The following BCORL1 variants were observed in gnomAD, a reference collection of about 807,000 sequenced individuals.
BCORL1 encodes the protein BCL6 corepressor like 1, also known as BCL-6 corepressor-like protein 1.
Under a neutral mutation model 87.6 loss-of-function variants are expected in BCORL1, and 7 were observed. That is an observed-to-expected ratio of 0.08 (90% confidence interval 0.05 to 0.15). BCORL1 has a LOEUF of 0.15. Among genes scored for constraint, BCORL1 ranks in the 10% least tolerant of loss-of-function variants. BCORL1 has a pLI of 1.00. For synonymous variants in BCORL1, 591 were observed against 634.4 expected, an observed-to-expected ratio of 0.93 and a Z score of 1.03; for missense variants, 1,215 against 1,499.7, an observed-to-expected ratio of 0.81 and a Z score of 3.13.
chrX:130,025,122 A>G lies in BCORL1; in HGVS notation c.3821A>G (p.Asp1274Gly). 3 of 1,211,938 alleles carry G rather than the reference A, an allele frequency of 2.5e-6. No homozygotes were observed. In the African/African-American group the frequency reaches 5.2e-5, roughly 21 times the overall value. Residue 1274 changes from aspartate to glycine, a missense_variant, in exon 7 of 14, where the codon GAC becomes GGC. Asp to Gly is a moderately conservative substitution (Grantham distance 94). Transcript: ENST00000540052. ...KRRKVRKTQR[D>G]TQYRSHHAQD... Reference sequence around the variant, plus strand: ...CGAAAGGTGAGAAAGACCCAACGGGACACCCAGTATCGCAGCCACCATGCC... The same window carrying G: ...CGAAAGGTGAGAAAGACCCAACGGGGCACCCAGTATCGCAGCCACCATGCC...
chrX:129,999,687 C>G (rs1209002946), intron 1 of BCORL1, among the ~76,000 whole-genome samples: 1 of 101,786 alleles, frequency 9.8e-6, no homozygotes, highest in Non-Finnish European at 2.0e-5. Context: ...TTCTTTTTCC[C>G]CCCCCCCAGA....
intron 1 of BCORL1, among the ~76,000 whole-genome samples, chrX:129,995,101 G>A (rs768023300): frequency 1.7e-3 from 186 of 111,004 alleles, no homozygotes; most frequent in African/African-American, 6.0e-3. Flanking sequence ...TGCCTCCCAG[G>A]TTCAAGCGAT....
chrX:130,030,262 G>A (rs1049923489), intron 8 of BCORL1, among the ~76,000 whole-genome samples: 1 of 111,885 alleles, frequency 8.9e-6, no homozygotes, highest in Admixed American at 9.5e-5. Context: ...GGGAACAGAG[G>A]CATAGCGTGG....
chrX:130,016,945 T>C (rs1162008634), intron 4 of BCORL1, among the ~76,000 whole-genome samples: 4 of 111,441 alleles, frequency 3.6e-5, no homozygotes, highest in Non-Finnish European at 5.7e-5. Context: ...CCAAGGAGAA[T>C]CTTGAAACAT....
chrX:130,042,384 C>T (rs919955748), intron 11 of BCORL1, among the ~76,000 whole-genome samples: 1 of 112,337 alleles, frequency 8.9e-6, no homozygotes, highest in Non-Finnish European at 1.9e-5. Flanking sequence ...TGTGAGCCAC[C>T]ATGCCCAGTC....
In BCORL1 at chrX:130,028,674, G is replaced by A; in HGVS notation, c.4118G>A (p.Ser1373Asn). 8.3e-7 allele frequency: 1 copy of A among 1,210,677 alleles called. No individual in the cohort carries two copies. The highest frequency in any genetic ancestry group is 1.1e-6 in the Non-Finnish European group (1 of 895,257). Reference protein sequence around the residue: ...ARKQKTSSSQSLEHRLRNRNL... With the variant: ...ARKQKTSSSQNLEHRLRNRNL... The stretch of plus-strand genomic sequence containing the variant: ...AAGCAGAAGACTTCCTCCTCCCAAA[G>A]TTTGGAGCACCGCCTCAGGAACAGG... The change falls in exon 8 of 14, where the codon AGT (serine) becomes AAT (asparagine). Residue 1373 changes from serine to asparagine, a missense_variant. Transcript: ENST00000540052.
intron 10 of BCORL1, 43 bp from the exon 11 acceptor site, chrX:130,039,094 C>T (rs767296504): frequency 8.4e-7 from 1 of 1,196,409 alleles, no homozygotes; most frequent in African/African-American, 1.8e-5. Flanking sequence ...CACCCCAGTT[C>T]CCACTTGGGC....
chrX:129,997,794 CAAAAA>C (rs1229437098), intron 1 of BCORL1, among the ~76,000 whole-genome samples: 28 of 28,966 alleles, frequency 9.7e-4, no homozygotes, highest in African/African-American at 3.6e-3. Flanking sequence ...TCCGACTCAC[CAAAAA>C]AAAAAAAAAA....
At chrX:130,008,478 G>A (rs1928686260) in intron 2 of BCORL1, among the ~76,000 whole-genome samples, 1 of 110,364 alleles carries the variant, frequency 9.1e-6, no homozygotes, top group Non-Finnish European at 1.9e-5. Context: ...GGTCATGCTG[G>A]TCTCGAACTC....
At chrX:129,980,370 G>T (rs2124269696), upstream of BCORL1, among the ~76,000 whole-genome samples, 1 of 113,262 alleles carries the variant, frequency 8.8e-6, no homozygotes, top group Non-Finnish European at 1.9e-5. Context: ...TTGCGACAGC[G>T]GCCGGGGGCT....
At chrX:130,005,431 C>T in intron 2 of BCORL1, 114 bp downstream of exon 2, 1 of 658,944 alleles carries the variant, frequency 1.5e-6, no homozygotes. Context: ...GGAGAAGACT[C>T]TTAGTTGTTT....
At chrX:130,043,032 C>CT (rs748652223) in intron 11 of BCORL1, among the ~76,000 whole-genome samples, 2,701 of 94,269 alleles carry the variant, frequency 0.029, 73 homozygotes, top group African/African-American at 0.071. Flanking sequence ...AGTACATTCT[C>CT]TTTTTTTTTT....
Position 130,015,504 on chromosome X carries a change from C to T in BCORL1, c.2732C>T (p.Ala911Val). Residue 911 changes from alanine to valine, a missense_variant, in exon 4 of 14, where the codon GCT becomes GTT. Ala to Val is a moderately conservative substitution (Grantham distance 64). This residue lies in a region of BCORL1 where 861 missense variants were observed against 1,010.0 expected (regional missense o/e 0.85). Transcript: ENST00000540052. ...PVTKNKTCRI[A>V]AKPYEEQVNP... ...ACAAAGAACAAAACTTGCCGGATTG[C>T]TGCCAAGCCTTATGAAGAACAAGTC... The T allele has an allele frequency of 1.6e-6, 2 of 1,212,358 alleles. No individual in the cohort carries two copies. Among genetic ancestry groups the T allele is most frequent in the Non-Finnish European group, 2.2e-6 (2 of 895,613 alleles).
chrX:129,987,988 AC>A (rs1926776177), intron 1 of BCORL1, among the ~76,000 whole-genome samples: 1 of 111,803 alleles, frequency 8.9e-6, no homozygotes. Flanking sequence ...ACTGATGATT[AC>A]ATAACCCAGA....
rs757484617 is a variant in BCORL1 at position 130,021,193 on chromosome X, G to T, written c.3607+43G>T. 3 of 1,171,649 alleles carry T rather than the reference G, an allele frequency of 2.6e-6. No individual in the cohort carries two copies. In the Admixed American group the frequency reaches 8.4e-5, roughly 33 times the overall value. The stretch of plus-strand genomic sequence containing the variant: ...GGCCCTCTGGGCTGGGCTGCAGAGG[G>T]ATCCCCAGGGCACAGTGGTGAGGGC... On this transcript the variant is annotated intron_variant, in intron 5 of 13. Transcript: ENST00000540052.
chrX:129,993,637 A>G (rs1927344627), intron 1 of BCORL1, among the ~76,000 whole-genome samples: 2 of 111,920 alleles, frequency 1.8e-5, no homozygotes, highest in Non-Finnish European at 3.8e-5. Flanking sequence ...GCAGTGAGCT[A>G]TGATCATGCG....
At chrX:130,037,251 C>A in intron 9 of BCORL1, 116 bp from the exon 10 acceptor site, 1 of 741,672 alleles carries the variant, frequency 1.3e-6, no homozygotes, top group Non-Finnish European at 2.1e-6. Flanking sequence ...TGTGTCCCTG[C>A]TATAAAGGGC....
Position 130,012,931 on chromosome X carries a change from T to C in BCORL1, c.178-19T>C, listed in dbSNP as rs764558968. The C allele has an allele frequency of 7.6e-6, 9 of 1,180,350 alleles. No individual in the cohort carries two copies. In the East Asian group the frequency reaches 2.7e-4, roughly 35 times the overall value. On this transcript the variant is annotated intron_variant, in intron 3 of 13. Coordinates refer to ENST00000540052, the MANE Select transcript of BCORL1 (RefSeq NM_001379451.1). ...TGCAGGGAGCTGGCTGAGATGTGCA[T>C]GCTATCCTGTCGTTGCAGGTGGAGC... is the stretch of plus-strand genomic sequence containing the variant.
chrX:130,013,774 C>T lies in BCORL1; in HGVS notation c.1002C>T (p.Pro334=). ...CGACCTTGGTTCTCGCTCCCGTCCC[C>T]ACTCCGGTTCTGGCTCCCATGCCAG... ...SAPTLVLAPV[P]TPVLAPMPAS... Residue 334 remains proline (P), a synonymous_variant, in exon 4 of 14, where the codon CCC becomes CCT. Coordinates refer to ENST00000540052, the MANE Select transcript of BCORL1 (RefSeq NM_001379451.1). 1 of 1,175,499 alleles carries T rather than the reference C, an allele frequency of 8.5e-7. No individual in the cohort carries two copies. Among genetic ancestry groups the T allele is most frequent in the Non-Finnish European group, 1.1e-6 (1 of 877,893 alleles).
Sources: allele counts gnomAD v4.1 joint callset (sites outside exome capture counted in the v4.1 genomes callset), GRCh38; gene constraint gnomAD v4.1.1; regional missense constraint gnomAD v4.1.1; transcripts MANE v1.5; gene names NCBI Gene and HGNC (gene_info 2026-07-23, HGNC 2026-07-21).